GALK2: variants seen among roughly 807,000 people sequenced by gnomAD.
GALK2 encodes N-acetylgalactosamine kinase.
In GALK2, 36 loss-of-function variants were observed where a neutral mutation model predicts 52.4. The observed-to-expected ratio is 0.69, with a 90% CI of 0.53 to 0.91. The LOEUF (loss-of-function observed/expected upper bound fraction) is 0.91, where lower values mean the gene tolerates loss of function less well. GALK2 is among the 40% of genes least tolerant of loss of function. The pLI is 0.00. For synonymous variants in GALK2, 176 were observed against 199.1 expected, an observed-to-expected ratio of 0.88 and a Z score of 0.98; for missense variants, 579 against 559.1, an observed-to-expected ratio of 1.04 and a Z score of -0.36.
chr15:49,156,072 G>T (rs2084437352), intron 1 of GALK2: 5 of 1,560,908 alleles, frequency 3.2e-6, no homozygotes, highest in Non-Finnish European at 4.4e-6. Context: ...TGCGGTGGGT[G>T]TTCCTAAGAT....
chr15:49,201,056 GT>G, intron 1 of GALK2, 105 bp from the exon 2 acceptor site: 1 of 351,882 alleles, frequency 2.8e-6, no homozygotes, highest in Non-Finnish European at 5.5e-6. Context: ...CATATGGAGT[GT>G]GTGTGTGTGT....
At chr15:49,271,619 T>G (rs2030638701) in intron 5 of GALK2, among the ~76,000 whole-genome samples, 1 of 152,216 alleles carries the variant, frequency 6.6e-6, no homozygotes, top group South Asian at 2.1e-4. Context: ...TTAACCTCTC[T>G]ATGCTTCAGT....
chr15:49,167,317 G>T (rs2084853763), upstream of GALK2, among the ~76,000 whole-genome samples: 1 of 152,074 alleles, frequency 6.6e-6, no homozygotes, highest in African/African-American at 2.4e-5. Context: ...TTCAGGATTT[G>T]TGAAAATAAA....
chr15:49,261,241 C>A (rs889560636), intron 5 of GALK2, among the ~76,000 whole-genome samples: 1 of 147,934 alleles, frequency 6.8e-6, no homozygotes, highest in Non-Finnish European at 1.5e-5. Flanking sequence ...CTTTTATTTC[C>A]TTGAGCAGTG....
chr15:49,188,714 C>G (rs567295644), intron 1 of GALK2, among the ~76,000 whole-genome samples: 1 of 152,270 alleles, frequency 6.6e-6, no homozygotes, highest in African/African-American at 2.4e-5. Flanking sequence ...TTATCTTGCT[C>G]CTATCCCCTT....
intron 8 of GALK2, among the ~76,000 whole-genome samples, chr15:49,313,384 G>T (rs960282922): frequency 2.6e-5 from 4 of 152,204 alleles, no homozygotes; most frequent in Admixed American, 6.5e-5. Context: ...GCCAGATTCT[G>T]GTCAGCTTGC....
In GALK2 at chr15:49,287,894, A is replaced by T. The variant is rs984515435; in HGVS notation, c.756+4176A>T. On this transcript the variant is annotated intron_variant, in intron 7 of 9. Coordinates refer to ENST00000560031, the MANE Select transcript of GALK2 (RefSeq NM_002044.4). ...TAAAGACAATTTTTCTTTGTTTTGC[A>T]TTAATGCTAGCAATTTCTTCTATTC... Among the ~76,000 whole-genome samples, 3 of 152,206 alleles carry T rather than the reference A, an allele frequency of 2.0e-5. No individual in the cohort carries two copies. The East Asian group carries it at 5.8e-4, about 29-fold the overall frequency.
chr15:49,337,194 T>A (rs1567095850), intron 3 of GALK2, among the ~76,000 whole-genome samples: 1 of 152,226 alleles, frequency 6.6e-6, no homozygotes, highest in Non-Finnish European at 1.5e-5. Flanking sequence ...TTTATTTTTC[T>A]TTTGAGTATA....
At chr15:49,296,818 C>T (rs2034522973) in intron 8 of GALK2, among the ~76,000 whole-genome samples, 1 of 152,286 alleles carries the variant, frequency 6.6e-6, no homozygotes, top group South Asian at 2.1e-4. Flanking sequence ...CCAGGCTGGT[C>T]TCGAACTCCT....
intron 3 of GALK2, among the ~76,000 whole-genome samples, chr15:49,346,648 A>G (rs956872950): frequency 1.3e-5 from 2 of 152,124 alleles, no homozygotes; most frequent in African/African-American, 2.4e-5. Flanking sequence ...TCTATCTTGT[A>G]TCCCTTAGAG....
At chr15:49,323,503 A>G (rs779823231) in intron 9 of GALK2, among the ~76,000 whole-genome samples, 2 of 152,186 alleles carry the variant, frequency 1.3e-5, no homozygotes, top group Non-Finnish European at 2.9e-5. Flanking sequence ...TGGCACTTCA[A>G]AATTCCTTTA....
intron 3 of GALK2, among the ~76,000 whole-genome samples, chr15:49,350,913 C>G (rs973389002): frequency 2.0e-5 from 3 of 152,198 alleles, no homozygotes; most frequent in African/African-American, 7.2e-5. Context: ...CTGCATGGAA[C>G]AGCTTTCCCC....
chr15:49,240,233 G>C (rs572589943), intron 5 of GALK2, among the ~76,000 whole-genome samples: 1 of 152,258 alleles, frequency 6.6e-6, no homozygotes, highest in South Asian at 2.1e-4. Context: ...GGGAAAGGGG[G>C]CTTACATATT....
intron 2 of GALK2, among the ~76,000 whole-genome samples, chr15:49,212,304 G>T (rs1281036885): frequency 6.6e-6 from 1 of 151,998 alleles, no homozygotes; most frequent in Non-Finnish European, 1.5e-5. Context: ...TGTTGGCCAG[G>T]CTGGTCTTGA....
intron 8 of GALK2, among the ~76,000 whole-genome samples, chr15:49,302,849 A>G (rs1157788181): frequency 1.3e-5 from 2 of 152,234 alleles, no homozygotes; most frequent in African/African-American, 4.8e-5. Context: ...GAGAAAGCCA[A>G]TAAAATGGGT....
At chr15:49,248,936 A>C (rs2091473417) in intron 5 of GALK2, among the ~76,000 whole-genome samples, 1 of 152,206 alleles carries the variant, frequency 6.6e-6, no homozygotes, top group Non-Finnish European at 1.5e-5. Context: ...GCTACAAATT[A>C]ATATGTATGC....
At chr15:49,205,383 C>G (rs1226895396) in intron 2 of GALK2, among the ~76,000 whole-genome samples, 1 of 152,138 alleles carries the variant, frequency 6.6e-6, no homozygotes, top group Non-Finnish European at 1.5e-5. Context: ...ACATCCACAC[C>G]AACATCTACT....
chr15:49,244,640 G>A (rs896647729), intron 5 of GALK2, among the ~76,000 whole-genome samples: 6 of 152,240 alleles, frequency 3.9e-5, no homozygotes, highest in Admixed American at 6.5e-5. Context: ...ACCAAAACTA[G>A]GGAGTAAACC....
At chr15:49,356,106 G>T (rs995273742) in intron 3 of GALK2, among the ~76,000 whole-genome samples, 2 of 152,084 alleles carry the variant, frequency 1.3e-5, no homozygotes, top group Non-Finnish European at 2.9e-5. Context: ...AACATGGAAA[G>T]GAACAACCGG....
Sources: gnomAD v4.1 joint callset for allele counts (sites outside exome capture counted in the v4.1 genomes callset) on GRCh38, gnomAD v4.1.1 for gene constraint, MANE v1.5 for transcripts, NCBI Gene and HGNC (gene_info 2026-07-23, HGNC 2026-07-21) for gene names.